Variants in DLGAP2 observed in about 807,000 individuals in gnomAD.
DLGAP2 encodes disks large-associated protein 2.
A neutral mutation model predicts 100.3 loss-of-function variants in DLGAP2; 26 were observed. That is an observed-to-expected ratio of 0.26 (90% confidence interval 0.19 to 0.36). The LOEUF is 0.36. Ranked by LOEUF, DLGAP2 falls within the 10% of genes least tolerant of loss-of-function variation. The pLI, the probability that DLGAP2 is intolerant of heterozygous loss-of-function variation, is 1.00. For synonymous variants in DLGAP2, 886 were observed against 630.1 expected, an observed-to-expected ratio of 1.41 and a Z score of -6.08; for missense variants, 1,858 against 1,453.2, an observed-to-expected ratio of 1.28 and a Z score of -4.53.
intron 5 of DLGAP2, among the ~76,000 whole-genome samples, chr8:1,564,992 T>A (rs1802339307): frequency 6.6e-6 from 1 of 152,232 alleles, no homozygotes; most frequent in South Asian, 2.1e-4. Context: ...GGCAGACATA[T>A]AACATGCATG....
At chr8:1,073,879 C>T (rs1003617258) in intron 2 of DLGAP2, among the ~76,000 whole-genome samples, 1 of 152,258 alleles carries the variant, frequency 6.6e-6, no homozygotes, top group African/African-American at 2.4e-5. Context: ...GTACATTTAC[C>T]TTCAGACTGA....
At chr8:1,485,339 G>A (rs189967046) in intron 3 of DLGAP2, among the ~76,000 whole-genome samples, 16 of 152,300 alleles carry the variant, frequency 1.1e-4, no homozygotes, top group African/African-American at 3.8e-4. Flanking sequence ...AGCATAGGCA[G>A]GACTTATCTA....
At chr8:1,637,555 GA>G (rs1361503616) in intron 8 of DLGAP2, among the ~76,000 whole-genome samples, 1 of 151,896 alleles carries the variant, frequency 6.6e-6, no homozygotes, top group Admixed American at 6.6e-5. Flanking sequence ...GGAAATGAAT[GA>G]AAAAAGTCAC....
intron 2 of DLGAP2, among the ~76,000 whole-genome samples, chr8:1,239,540 C>G (rs1465123968): frequency 1.7e-5 from 2 of 115,132 alleles, no homozygotes; most frequent in African/African-American, 8.1e-5. Flanking sequence ...GTGTCTAGTT[C>G]TCTCACATGG....
chr8:1,550,143 A>C (rs1801712366), intron 5 of DLGAP2, among the ~76,000 whole-genome samples: 1 of 152,204 alleles, frequency 6.6e-6, no homozygotes, highest in South Asian at 2.1e-4. Context: ...CGCCGGGCTC[A>C]TCCTGCTTTG....
intron 4 of DLGAP2, among the ~76,000 whole-genome samples, chr8:1,534,783 CGTGTGTG>C: frequency 6.7e-6 from 1 of 148,244 alleles, no homozygotes; most frequent in South Asian, 2.1e-4. Flanking sequence ...TGCACGTGTA[CGTGTGTG>C]AGTGTAAGTG....
intron 2 of DLGAP2, among the ~76,000 whole-genome samples, chr8:1,037,569 A>G (rs940763122): frequency 6.6e-6 from 1 of 152,230 alleles, no homozygotes; most frequent in African/African-American, 2.4e-5. Context: ...CATCACCTGC[A>G]CTTTATCCTC....
chr8:1,656,811 G>A (rs900762361), intron 8 of DLGAP2, among the ~76,000 whole-genome samples: 1 of 152,036 alleles, frequency 6.6e-6, no homozygotes, highest in Non-Finnish European at 1.5e-5. Flanking sequence ...CATTCCATTG[G>A]CCTCAGAGTA....
Position 1,549,696 on chromosome 8 carries a change from A to C in DLGAP2, c.1230+13A>C, listed in dbSNP as rs777902788. The stretch of plus-strand genomic sequence containing the variant: ...CCACTACCTCCAGGTAAGCAGGCTC[A>C]CGGCCCTGTGGAGGCCGTCTCGGCA... On this transcript the variant is annotated intron_variant, in intron 5 of 14. Transcript: ENST00000637795. The C allele has an allele frequency of 6.5e-7, 1 of 1,534,506 alleles. No homozygotes were observed. The highest frequency in any genetic ancestry group is 8.8e-7 in the Non-Finnish European group (1 of 1,138,692).
intron 3 of DLGAP2, among the ~76,000 whole-genome samples, chr8:1,310,058 CAAAA>C (rs3052029): frequency 2.3e-4 from 24 of 105,696 alleles, no homozygotes; most frequent in South Asian, 7.1e-4. Context: ...GTCTCCATCT[CAAAA>C]AAAAAAAAAA....
intron 2 of DLGAP2, among the ~76,000 whole-genome samples, chr8:1,150,971 T>A (rs1487458316): frequency 6.6e-6 from 1 of 152,264 alleles, no homozygotes; most frequent in Non-Finnish European, 1.5e-5. Context: ...GTTTTTTGTA[T>A]GTTTGCAGGC....
intron 3 of DLGAP2, among the ~76,000 whole-genome samples, chr8:1,271,985 A>AT (rs1391390068): frequency 3.3e-5 from 5 of 151,638 alleles, no homozygotes; most frequent in East Asian, 3.9e-4. Context: ...TAGTTTTTGG[A>AT]TTTTTTTTAG....
intron 13 of DLGAP2, among the ~76,000 whole-genome samples, chr8:1,695,060 C>T (rs545686536): frequency 1.3e-5 from 2 of 152,288 alleles, no homozygotes; most frequent in South Asian, 2.1e-4. Context: ...CACGGGAAGG[C>T]GATGCCTGCT....
chr8:1,214,476 A>G (rs867782608), intron 2 of DLGAP2, among the ~76,000 whole-genome samples: 1 of 152,178 alleles, frequency 6.6e-6, no homozygotes, highest in African/African-American at 2.4e-5. Context: ...TATTACCACC[A>G]CTTTACGTAG....
intron 1 of DLGAP2, among the ~76,000 whole-genome samples, chr8:747,761 T>C (rs144650907): frequency 4.1e-3 from 2 of 486 alleles, no homozygotes; most frequent in Non-Finnish European, 6.0e-3. Context: ...GGGATGGGGG[T>C]CTCTGCGGTG....
chr8:1,194,138 C>T (rs113736050), intron 2 of DLGAP2, among the ~76,000 whole-genome samples: 62 of 152,158 alleles, frequency 4.1e-4, no homozygotes, highest in Non-Finnish European at 6.6e-4. Flanking sequence ...GTGAGTAAGA[C>T]ACAGTCCCTA....
In DLGAP2 at chr8:1,565,857, A is replaced by G; in HGVS notation, c.1405A>G (p.Lys469Glu). ...KSAILPEPLL[K>E]SIGQRPLGEH... ...GGCAATCCTACCAGAGCCGCTGCTGAAGTCCATCGGACAGAGACCGCTTGG... is the reference window on the plus strand; with the variant it reads ...GGCAATCCTACCAGAGCCGCTGCTGGAGTCCATCGGACAGAGACCGCTTGG... Residue 469 changes from lysine (K) to glutamate (E), a missense_variant, in exon 6 of 15, where the codon AAG (lysine) becomes GAG (glutamate). Physicochemically the swap from Lys to Glu is moderately conservative, Grantham distance 56. Transcript: ENST00000637795. The G allele has an allele frequency of 6.2e-7, 1 of 1,612,218 alleles. No homozygotes were observed. The highest frequency in any genetic ancestry group is 8.5e-7 in the Non-Finnish European group (1 of 1,179,070).
chr8:1,492,252 G>A (rs975862409), intron 3 of DLGAP2, among the ~76,000 whole-genome samples: 1 of 152,222 alleles, frequency 6.6e-6, no homozygotes, highest in African/African-American at 2.4e-5. Context: ...CTGGTGCACA[G>A]CTGCGAGTGA....
chr8:1,538,429 A>G (rs1252697005), intron 4 of DLGAP2, among the ~76,000 whole-genome samples: 6 of 152,216 alleles, frequency 3.9e-5, no homozygotes, highest in South Asian at 2.1e-4. Context: ...GCAGAATTGA[A>G]TGGAGAGGAA....
Sources: gnomAD v4.1 joint callset for allele counts (sites outside exome capture counted in the v4.1 genomes callset) on GRCh38, gnomAD v4.1.1 for gene constraint, MANE v1.5 for transcripts, NCBI Gene and HGNC (gene_info 2026-07-23, HGNC 2026-07-21) for gene names.